The following SGMS1 variants were observed in gnomAD, a reference collection of about 807,000 sequenced individuals.
SGMS1 encodes the protein phosphatidylcholine:ceramide cholinephosphotransferase 1.
A neutral mutation model predicts 46.2 loss-of-function variants in SGMS1; 13 were observed. The ratio of observed to expected loss-of-function variants is 0.28; its 90% CI spans 0.18 to 0.45. The LOEUF (loss-of-function observed/expected upper bound fraction) is 0.45, where lower values mean the gene tolerates loss of function less well. Ranked by LOEUF, SGMS1 falls within the 20% of genes least tolerant of loss-of-function variation. The pLI, the probability that SGMS1 is intolerant of heterozygous loss-of-function variation, is 1.00. For missense variants in SGMS1, 324 were observed against 519.9 expected (o/e 0.62, Z 3.66); for synonymous variants, 203 against 187.8 (o/e 1.08, Z -0.66).
intron 3 of SGMS1, among the ~76,000 whole-genome samples, chr10:50,511,270 C>CACACAG (rs1837752842): frequency 7.1e-6 from 1 of 139,864 alleles, no homozygotes; most frequent in African/African-American, 2.5e-5. Flanking sequence ...CACACACACA[C>CACACAG]ACACACACAC....
chr10:50,465,836 A>G (rs943957530), intron 4 of SGMS1, among the ~76,000 whole-genome samples: 5 of 151,894 alleles, frequency 3.3e-5, no homozygotes, highest in African/African-American at 1.2e-4. Flanking sequence ...AGCATGAAAC[A>G]TTTTCCAGAG....
At chr10:50,560,654 T>C (rs888646628) in intron 2 of SGMS1, among the ~76,000 whole-genome samples, 1 of 148,210 alleles carries the variant, frequency 6.7e-6, no homozygotes, top group Non-Finnish European at 1.5e-5. Flanking sequence ...ATATGTAATA[T>C]AGTATATGTT....
intron 2 of SGMS1, among the ~76,000 whole-genome samples, chr10:50,560,957 T>C (rs1267136856): frequency 6.6e-6 from 1 of 152,194 alleles, no homozygotes; most frequent in East Asian, 1.9e-4. Flanking sequence ...AATCTCTTTA[T>C]GTTATATTCA....
intron 3 of SGMS1, among the ~76,000 whole-genome samples, chr10:50,472,190 C>T (rs1191899957): frequency 6.6e-6 from 1 of 152,028 alleles, no homozygotes; most frequent in Non-Finnish European, 1.5e-5. Flanking sequence ...ACACATCTAT[C>T]ACCTCACATA....
chr10:50,587,631 ATATGTGTG>A (rs971674329), intron 2 of SGMS1, among the ~76,000 whole-genome samples: 35 of 118,724 alleles, frequency 2.9e-4, no homozygotes, highest in South Asian at 8.9e-4. Context: ...CTCAAAATAT[ATATGTGTG>A]TGTGTGTGTG....
chr10:50,311,552 A>G, intron 8 of SGMS1, 137 bp from the exon 9 acceptor site: 1 of 293,790 alleles, frequency 3.4e-6, no homozygotes, highest in East Asian at 1.1e-4. Context: ...TTGCCCACTC[A>G]GTGTTTACCA....
chr10:50,619,127 T>C (rs1385651097), intron 1 of SGMS1, among the ~76,000 whole-genome samples: 1 of 151,488 alleles, frequency 6.6e-6, no homozygotes, highest in Non-Finnish European at 1.5e-5. Flanking sequence ...ACCGAGACTC[T>C]GTCTCAAAAA....
intron 2 of SGMS1, among the ~76,000 whole-genome samples, chr10:50,565,957 C>G (rs571083633): frequency 6.6e-6 from 1 of 152,370 alleles, no homozygotes; most frequent in South Asian, 2.1e-4. Context: ...ACAGTGTCAT[C>G]AGGGTGTCCT....
At chr10:50,357,338 C>A (rs1848171232) in intron 6 of SGMS1, among the ~76,000 whole-genome samples, 1 of 151,852 alleles carries the variant, frequency 6.6e-6, no homozygotes, top group Admixed American at 6.6e-5. Context: ...AAATTACTAA[C>A]CAAAATTAGT....
intron 3 of SGMS1, among the ~76,000 whole-genome samples, chr10:50,501,648 C>T (rs1837662621): frequency 6.6e-6 from 1 of 152,104 alleles, no homozygotes; most frequent in Non-Finnish European, 1.5e-5. Flanking sequence ...GTGAAGAATT[C>T]CACCTACATA....
intron 6 of SGMS1, among the ~76,000 whole-genome samples, chr10:50,372,433 G>A (rs187795376): frequency 1.9e-4 from 29 of 152,272 alleles, no homozygotes; most frequent in African/African-American, 7.0e-4. Flanking sequence ...GGTGGCTCAC[G>A]CCTGTAATCC....
intron 3 of SGMS1, among the ~76,000 whole-genome samples, chr10:50,470,307 C>G (rs1837367838): frequency 6.6e-6 from 1 of 152,122 alleles, no homozygotes; most frequent in Non-Finnish European, 1.5e-5. Flanking sequence ...CAAATTAGAG[C>G]CTGGCTTAAG....
chr10:50,492,212 T>C (rs1837573578), intron 3 of SGMS1, among the ~76,000 whole-genome samples: 2 of 152,342 alleles, frequency 1.3e-5, no homozygotes, highest in Admixed American at 6.5e-5. Context: ...GCCAACATTG[T>C]ACTGAATGGG....
At chr10:50,562,364 G>GCGCACA (rs141647886) in intron 2 of SGMS1, among the ~76,000 whole-genome samples, 2 of 146,938 alleles carry the variant, frequency 1.4e-5, no homozygotes, top group Non-Finnish European at 3.0e-5. Context: ...GTGCGCGCGC[G>GCGCACA]CACACACACA....
intron 1 of SGMS1, among the ~76,000 whole-genome samples, chr10:50,602,506 A>C (rs1838658270): frequency 6.6e-6 from 1 of 152,142 alleles, no homozygotes; most frequent in African/African-American, 2.4e-5. Context: ...AAGAAGGGAG[A>C]AGAAGGCTAC....
At chr10:50,323,481 G>T (rs1234094275) in intron 8 of SGMS1, among the ~76,000 whole-genome samples, 1 of 152,206 alleles carries the variant, frequency 6.6e-6, no homozygotes, top group Non-Finnish European at 1.5e-5. Flanking sequence ...AATTCTGGAA[G>T]CACTGTGCTT....
chr10:50,344,883 T>A (rs577791220), intron 6 of SGMS1, among the ~76,000 whole-genome samples: 141 of 144,612 alleles, frequency 9.8e-4, no homozygotes, highest in African/African-American at 2.7e-3. Context: ...AAAAAAAAAA[T>A]AATAATAATT....
intron 2 of SGMS1, among the ~76,000 whole-genome samples, chr10:50,537,878 G>A (rs1838017448): frequency 6.6e-6 from 1 of 152,066 alleles, no homozygotes; most frequent in Non-Finnish European, 1.5e-5. Flanking sequence ...CAAGAAGATG[G>A]CTTCAACCAT....
intron 6 of SGMS1, among the ~76,000 whole-genome samples, chr10:50,425,143 T>C (rs922153571): frequency 2.0e-5 from 3 of 152,226 alleles, no homozygotes; most frequent in Non-Finnish European, 2.9e-5. Context: ...TATCCACTGC[T>C]GGTGGGAATG....
Sources: gnomAD v4.1 joint callset for allele counts (sites outside exome capture counted in the v4.1 genomes callset) on GRCh38, gnomAD v4.1.1 for gene constraint, MANE v1.5 for transcripts, NCBI Gene and HGNC (gene_info 2026-07-23, HGNC 2026-07-21) for gene names.